The following RANBP10 variants were observed in gnomAD, a reference collection of about 807,000 sequenced individuals.
RANBP10 encodes RAN binding protein 10.
In RANBP10, 24 loss-of-function variants were observed where a neutral mutation model predicts 72.8. That is an observed-to-expected ratio of 0.33 (90% CI 0.24 to 0.46). The LOEUF (loss-of-function observed/expected upper bound fraction) is 0.46. Among genes scored for constraint, RANBP10 ranks in the 20% least tolerant of loss-of-function variants. The pLI is 1.00. For missense variants in RANBP10, 679 were observed against 817.5 expected (o/e 0.83, Z 2.07); for synonymous variants, 310 against 322.3 (o/e 0.96, Z 0.41).
chr16:67,780,142 C>T (rs1263953212), intron 2 of RANBP10, among the ~76,000 whole-genome samples: 1 of 151,916 alleles, frequency 6.6e-6, no homozygotes, highest in Non-Finnish European at 1.5e-5. Context: ...TGAGGCAGGA[C>T]AATCACTTGA....
At chr16:67,803,139 T>C (rs140222350) in intron 2 of RANBP10, among the ~76,000 whole-genome samples, 104 of 152,328 alleles carry the variant, frequency 6.8e-4, no homozygotes, top group African/African-American at 2.2e-3. Flanking sequence ...ACTAAATATA[T>C]GTGCTTCTAT....
chr16:67,791,500 G>A (rs1399454838), intron 2 of RANBP10, among the ~76,000 whole-genome samples: 2 of 152,302 alleles, frequency 1.3e-5, no homozygotes, highest in East Asian at 1.9e-4. Flanking sequence ...GGAGAGAAGA[G>A]ACAAGGTCTT....
chr16:67,755,170 G>T (rs2054264330), intron 3 of RANBP10, among the ~76,000 whole-genome samples: 1 of 152,148 alleles, frequency 6.6e-6, no homozygotes, highest in Non-Finnish European at 1.5e-5. Flanking sequence ...AATTATGCCT[G>T]GGTGAGCAGC....
At chr16:67,802,736 T>G (rs2055259611) in intron 2 of RANBP10, among the ~76,000 whole-genome samples, 1 of 152,200 alleles carries the variant, frequency 6.6e-6, no homozygotes, top group African/African-American at 2.4e-5. Flanking sequence ...CCACCTTTCT[T>G]TAGACTTCCA....
intron 1 of RANBP10, 66 bp downstream of exon 1, chr16:67,806,236 G>T (rs967357152): frequency 7.0e-7 from 1 of 1,429,724 alleles, no homozygotes; most frequent in Non-Finnish European, 9.5e-7. Flanking sequence ...TAGGGCGGGG[G>T]CCTGGCAGCA....
intron 3 of RANBP10, among the ~76,000 whole-genome samples, chr16:67,753,449 G>A (rs778769486): frequency 2.0e-5 from 3 of 151,968 alleles, no homozygotes; most frequent in Non-Finnish European, 4.4e-5. Flanking sequence ...AGCTATAATC[G>A]TGCTATTGCA....
At chr16:67,784,238 A>G (rs748583425) in intron 2 of RANBP10, among the ~76,000 whole-genome samples, 2 of 152,174 alleles carry the variant, frequency 1.3e-5, no homozygotes, top group Non-Finnish European at 2.9e-5. Context: ...AATCAGGTGG[A>G]GGCCGGGAGA....
chr16:67,765,801 A>G (rs1312717955), intron 3 of RANBP10, among the ~76,000 whole-genome samples: 1 of 152,182 alleles, frequency 6.6e-6, no homozygotes. Context: ...GCGCCACTGC[A>G]TTCCAGCCTG....
chr16:67,757,693 A>G (rs1038298344), intron 3 of RANBP10, among the ~76,000 whole-genome samples: 3 of 152,222 alleles, frequency 2.0e-5, no homozygotes, highest in African/African-American at 7.2e-5. Flanking sequence ...TGGGAAAGCA[A>G]AAGAGATTTT....
At chr16:67,801,906 G>C (rs1348925514) in intron 2 of RANBP10, among the ~76,000 whole-genome samples, 1 of 151,982 alleles carries the variant, frequency 6.6e-6, no homozygotes, top group Non-Finnish European at 1.5e-5. Context: ...ACCAGCCTAG[G>C]AAACATTGTG....
rs753021520 is a variant in RANBP10, at chr16:67,728,446, C to A, written c.1418G>T (p.Arg473Leu). Residue 473 changes from arginine (R) to leucine (L), a missense_variant, in exon 11 of 14, where the codon CGC becomes CTC. Coordinates refer to ENST00000317506, the MANE Select transcript of RANBP10 (RefSeq NM_020850.3). ...ATGCTTGTAGGCACCATTAACAATG[C>A]GTGTGGACATGCTTCCTAGCACACC... ...PNGVLGSMST[R>L]IVNGAYKHED... 2 of 1,614,066 alleles carry A rather than the reference C, an allele frequency of 1.2e-6. No homozygotes were observed. Among genetic ancestry groups the A allele is most frequent in the African/African-American group, 1.3e-5 (1 of 74,918 alleles).
At chr16:67,791,268 C>T (rs2055022751) in intron 2 of RANBP10, among the ~76,000 whole-genome samples, 1 of 152,196 alleles carries the variant, frequency 6.6e-6, no homozygotes, top group African/African-American at 2.4e-5. Context: ...CCACCTCGGC[C>T]TCCCAAAGTG....
At chr16:67,788,203 T>G (rs566073897) in intron 2 of RANBP10, among the ~76,000 whole-genome samples, 103 of 152,150 alleles carry the variant, frequency 6.8e-4, no homozygotes, top group African/African-American at 2.5e-3. Flanking sequence ...GATTGATTGA[T>G]TGAGATAGAG....
At chr16:67,777,821 AG>A (rs2054734675) in intron 2 of RANBP10, among the ~76,000 whole-genome samples, 1 of 152,208 alleles carries the variant, frequency 6.6e-6, no homozygotes, top group South Asian at 2.1e-4. Context: ...AAAAGAACAA[AG>A]TTGGAGGGCT....
chr16:67,796,694 C>T (rs1429810601), intron 2 of RANBP10, among the ~76,000 whole-genome samples: 2 of 152,120 alleles, frequency 1.3e-5, no homozygotes, highest in African/African-American at 4.8e-5. Context: ...ACTAAACTCC[C>T]CTGAAACCCC....
chr16:67,765,787 G>A (rs972396918), intron 3 of RANBP10, among the ~76,000 whole-genome samples: 1 of 152,110 alleles, frequency 6.6e-6, no homozygotes, highest in Non-Finnish European at 1.5e-5. Flanking sequence ...AGTGAGCCGA[G>A]ATCGCGCCAC....
At chr16:67,745,429 G>C (rs1247045181) in intron 3 of RANBP10, among the ~76,000 whole-genome samples, 1 of 151,576 alleles carries the variant, frequency 6.6e-6, no homozygotes, top group African/African-American at 2.4e-5. Context: ...CTGCCTCCCA[G>C]GTTCAAGTGA....
At chr16:67,804,206 A>T (rs1391463085) in intron 2 of RANBP10, among the ~76,000 whole-genome samples, 3 of 152,166 alleles carry the variant, frequency 2.0e-5, no homozygotes, top group African/African-American at 7.2e-5. Context: ...TCAGACACCA[A>T]ACCTAAAGTC....
At chr16:67,733,935 G>A (rs2053786836) in intron 6 of RANBP10, among the ~76,000 whole-genome samples, 1 of 152,202 alleles carries the variant, frequency 6.6e-6, no homozygotes, top group African/African-American at 2.4e-5. Context: ...CACCAAGCCT[G>A]CTCTGGGAGT....
Sources: gnomAD v4.1 joint callset for allele counts (sites outside exome capture counted in the v4.1 genomes callset) on GRCh38, gnomAD v4.1.1 for gene constraint, MANE v1.5 for transcripts, NCBI Gene and HGNC (gene_info 2026-07-23, HGNC 2026-07-21) for gene names.